VAV2: variants seen among roughly 807,000 people sequenced by gnomAD.
VAV2 encodes the protein guanine nucleotide exchange factor VAV2.
Under a neutral mutation model 132.5 loss-of-function variants are expected in VAV2, and 67 were observed. That is an observed-to-expected ratio of 0.51 (90% CI 0.42 to 0.62). The LOEUF is 0.62. Among genes scored for constraint, VAV2 ranks in the 20% least tolerant of loss-of-function variants. VAV2 has a pLI of 0.00. For synonymous variants in VAV2, 492 were observed against 443.5 expected, an observed-to-expected ratio of 1.11 and a Z score of -1.37; for missense variants, 938 against 1,153.6, an observed-to-expected ratio of 0.81 and a Z score of 2.71.
chr9:133,848,728 G>A (rs1837050310), intron 3 of VAV2, among the ~76,000 whole-genome samples: 1 of 152,236 alleles, frequency 6.6e-6, no homozygotes, highest in South Asian at 2.1e-4. Flanking sequence ...TGGGCTGGGG[G>A]TGAGGCAGAC....
intron 6 of VAV2, among the ~76,000 whole-genome samples, chr9:133,809,426 T>C (rs1004763946): frequency 6.6e-6 from 1 of 152,216 alleles, no homozygotes; most frequent in African/African-American, 2.4e-5. Flanking sequence ...CTCCTACTCC[T>C]CTGATTCTGA....
chr9:133,910,831 AAAAAAAG>A (rs1342358481), intron 2 of VAV2, among the ~76,000 whole-genome samples: 2 of 149,072 alleles, frequency 1.3e-5, no homozygotes, highest in Non-Finnish European at 3.0e-5. Flanking sequence ...CTCAAAAAAA[AAAAAAAG>A]AAAAAGAAAA....
intron 12 of VAV2, among the ~76,000 whole-genome samples, chr9:133,792,306 GTA>G (rs1338619122): frequency 6.1e-5 from 7 of 115,264 alleles, no homozygotes; most frequent in Non-Finnish European, 1.1e-4. Context: ...GCTGGGTGGG[GTA>G]TGTGTGTGTG....
chr9:133,818,869 C>T (rs1016163178), intron 4 of VAV2, among the ~76,000 whole-genome samples: 4 of 152,050 alleles, frequency 2.6e-5, no homozygotes, highest in East Asian at 1.9e-4. Context: ...CTCAGCCTCC[C>T]GAGTAGCTGG....
intron 1 of VAV2, among the ~76,000 whole-genome samples, chr9:133,977,220 A>ATGGGTGCC (rs879586357): frequency 8.5e-5 from 13 of 152,344 alleles, no homozygotes; most frequent in Non-Finnish European, 1.3e-4. Context: ...CCGGCATCCA[A>ATGGGTGCC]TGGGTGCCTG....
In VAV2 at chr9:133,788,573, T is replaced by A; in HGVS notation, c.1275-87A>T. The A allele has an allele frequency of 6.5e-7, 1 of 1,537,712 alleles. No homozygotes were observed. The highest frequency in any genetic ancestry group is 1.4e-5 in the African/African-American group (1 of 73,668). ...GCGGCAGGAGCTGAGCCTGAGGCTCTGGCACGCGGCTCCCTCTCCGGGCGA... is the reference window on the plus strand; with the variant it reads ...GCGGCAGGAGCTGAGCCTGAGGCTCAGGCACGCGGCTCCCTCTCCGGGCGA... On this transcript the variant is annotated intron_variant, in intron 14 of 29. Transcript: ENST00000371850. The surrounding 1 kb of genome is among the most constrained non-coding windows in gnomAD (Gnocchi z 5.3).
intron 3 of VAV2, among the ~76,000 whole-genome samples, chr9:133,846,121 C>A (rs971359131): frequency 3.9e-5 from 6 of 152,230 alleles, no homozygotes; most frequent in African/African-American, 1.4e-4. Flanking sequence ...GGGGTTCCGT[C>A]TCCATCCCAA....
At chr9:133,909,720 G>C (rs962213824) in intron 2 of VAV2, among the ~76,000 whole-genome samples, 2 of 152,210 alleles carry the variant, frequency 1.3e-5, no homozygotes, top group African/African-American at 4.8e-5. Flanking sequence ...GGTGTGTGAG[G>C]CCGGAAGAAA....
intron 2 of VAV2, among the ~76,000 whole-genome samples, chr9:133,936,736 C>T (rs1053671258): frequency 6.6e-6 from 1 of 152,172 alleles, no homozygotes; most frequent in Non-Finnish European, 1.5e-5. Context: ...GGTGACATCA[C>T]CTCCATTCCC....
chr9:133,944,555 C>G (rs1841291444), intron 1 of VAV2, among the ~76,000 whole-genome samples: 1 of 152,216 alleles, frequency 6.6e-6, no homozygotes, highest in African/African-American at 2.4e-5. Context: ...ACTCACTCAC[C>G]ACCTGCAGAG....
chr9:133,874,857 G>A (rs891502851), intron 2 of VAV2, among the ~76,000 whole-genome samples: 1 of 152,202 alleles, frequency 6.6e-6, no homozygotes, highest in African/African-American at 2.4e-5. Context: ...CAGGCAGGAA[G>A]TGGGGCGTGG....
At position 133,883,425 on chromosome 9, in the gene VAV2, G is replaced by A. The variant is rs1588310329; in HGVS notation, c.322-21993C>T. Among the ~76,000 whole-genome samples the A allele has an allele frequency of 2.6e-5, 4 of 152,190 alleles. 1 individual carries two copies. The highest frequency in any genetic ancestry group is 4.1e-4 in the South Asian group (2 of 4,828). ...CAGGGCCAGGGAGAGGAACAGAGCC[G>A]AGTCAGCTGCTGACCTGCTGCAGCA... is the stretch of plus-strand genomic sequence containing the variant. On this transcript the variant is annotated intron_variant, in intron 2 of 29. Coordinates refer to ENST00000371850, the MANE Select transcript of VAV2 (RefSeq NM_001134398.2). The surrounding 1 kb of genome is among the most constrained non-coding windows in gnomAD (Gnocchi z 4.2).
At chr9:133,925,374 A>G (rs1840437788) in intron 2 of VAV2, among the ~76,000 whole-genome samples, 1 of 152,094 alleles carries the variant, frequency 6.6e-6, no homozygotes, top group Non-Finnish European at 1.5e-5. Flanking sequence ...GTGCCACTAC[A>G]TCCTGCTAAT....
chr9:133,875,997 C>G (rs1363232953), intron 2 of VAV2, among the ~76,000 whole-genome samples: 1 of 152,260 alleles, frequency 6.6e-6, no homozygotes, highest in Non-Finnish European at 1.5e-5. Flanking sequence ...GCACAGCCAT[C>G]ATCTCCTGCC....
chr9:133,882,832 AG>A (rs140265054), intron 2 of VAV2, among the ~76,000 whole-genome samples: 3,451 of 152,294 alleles, frequency 0.023, 56 homozygotes, highest in Non-Finnish European at 0.037. Context: ...GAACCCCTGC[AG>A]CAGAGGCAGC....
Position 133,768,157 on chromosome 9 carries a change from A to G in VAV2, c.2589+285T>C, listed in dbSNP as rs963278384. On this transcript the variant is annotated intron_variant, in intron 29 of 29. Coordinates refer to ENST00000371850, the MANE Select transcript of VAV2 (RefSeq NM_001134398.2). The surrounding 1 kb of genome is among the most constrained non-coding windows in gnomAD (Gnocchi z 5.3). ...TGCAGCTATGAGGGCAGCCCAGAATAAAAATGGAACAGGGTCGGGGGGTTC... is the reference window on the plus strand; with the variant it reads ...TGCAGCTATGAGGGCAGCCCAGAATGAAAATGGAACAGGGTCGGGGGGTTC... Among the ~76,000 whole-genome samples the G allele has an allele frequency of 1.3e-5, 2 of 152,120 alleles. No homozygotes were observed. Among genetic ancestry groups the G allele is most frequent in the Non-Finnish European group, 2.9e-5 (2 of 68,004 alleles).
intron 6 of VAV2, 94 bp from the exon 7 acceptor site, chr9:133,809,232 A>C: frequency 8.9e-7 from 1 of 1,117,412 alleles, no homozygotes; most frequent in Non-Finnish European, 1.3e-6. Flanking sequence ...CCTCCACAAA[A>C]GAGGACTCCT....
At chr9:133,819,037 G>A (rs1224065219) in intron 4 of VAV2, among the ~76,000 whole-genome samples, 1 of 152,094 alleles carries the variant, frequency 6.6e-6, no homozygotes, top group Non-Finnish European at 1.5e-5. Context: ...GAGCCACTGT[G>A]CCCAGCCACG....
At chr9:133,946,031 G>A (rs1841346632) in intron 1 of VAV2, among the ~76,000 whole-genome samples, 1 of 152,222 alleles carries the variant, frequency 6.6e-6, no homozygotes. Flanking sequence ...CATCTCACTG[G>A]GGAAGTCCAG....
Sources: allele counts gnomAD v4.1 joint callset (sites outside exome capture counted in the v4.1 genomes callset), GRCh38; gene constraint gnomAD v4.1.1; non-coding constraint Gnocchi (gnomAD v3.1); transcripts MANE v1.5; gene names NCBI Gene and HGNC (gene_info 2026-07-23, HGNC 2026-07-21).